Variants in ANGEL2 observed in about 807,000 individuals in gnomAD.
ANGEL2 encodes the protein RNA 2',3'-cyclic phosphatase ANGEL2.
In ANGEL2, 41 loss-of-function variants were observed where a neutral mutation model predicts 66.0. That is an observed-to-expected ratio of 0.62 (90% CI 0.48 to 0.81). ANGEL2 has a LOEUF of 0.81. Ranked by LOEUF, ANGEL2 falls within the 30% of genes least tolerant of loss-of-function variation. The pLI, the probability that ANGEL2 is intolerant of heterozygous loss-of-function variation, is 0.00. For missense variants in ANGEL2, 561 were observed against 641.6 expected (o/e 0.87, Z 1.36); for synonymous variants, 208 against 226.5 (o/e 0.92, Z 0.73).
chr1:213,013,413 G>A lies in ANGEL2; in HGVS notation c.65C>T (p.Pro22Leu). The A allele has an allele frequency of 6.2e-7, 1 of 1,611,046 alleles. No homozygotes were observed. Among genetic ancestry groups the A allele is most frequent in the Non-Finnish European group, 8.5e-7 (1 of 1,178,474 alleles). The change falls in exon 2 of 9, where the codon CCC becomes CTC. Residue 22 changes from proline to leucine, a missense_variant. Pro to Leu is a moderately conservative substitution (Grantham distance 98, BLOSUM62 -3). Transcript: ENST00000366962. ...GHCVVGRGRY[P>L]MFPHHSRSLG... ...ACTCCTCGAGTGATGGGGAAACATGGGGTATCTAAAAGAAATAAATACACT... is the reference window on the plus strand; with the variant it reads ...ACTCCTCGAGTGATGGGGAAACATGAGGTATCTAAAAGAAATAAATACACT...
chr1:213,015,561 T>C (rs2076623392), intron 1 of ANGEL2, 52 bp downstream of exon 1: 3 of 1,222,682 alleles, frequency 2.5e-6, no homozygotes, highest in South Asian at 3.0e-5. Flanking sequence ...CCGCCCGCTC[T>C]TTCAGGCCGC....
chr1:213,015,278 A>G (rs1048829021), intron 1 of ANGEL2: 2 of 1,168,760 alleles, frequency 1.7e-6, no homozygotes, highest in Non-Finnish European at 2.1e-6. Context: ...GGTGCTGCGG[A>G]GTGTGTGGAG....
At position 213,015,682 on chromosome 1, in the gene ANGEL2, C is replaced by T. The variant is rs900034931; in HGVS notation, c.-11G>A. 2 of 1,614,058 alleles carry T rather than the reference C, an allele frequency of 1.2e-6. No individual in the cohort carries two copies. The highest frequency in any genetic ancestry group is 1.3e-5 in the African/African-American group (1 of 74,934). On this transcript the variant is annotated 5_prime_UTR_variant, in exon 1 of 9. Coordinates refer to ENST00000366962, the MANE Select transcript of ANGEL2 (RefSeq NM_144567.5). The stretch of plus-strand genomic sequence containing the variant: ...GCGCCAGGCTTCCATCTTCGCCCTC[C>T]GCGTGCGTCCAGTTCCCAGGCCCCG...
intron 2 of ANGEL2, 135 bp from the exon 3 acceptor site, chr1:213,008,601 A>C: frequency 2.0e-6 from 2 of 1,000,338 alleles, no homozygotes; most frequent in South Asian, 3.4e-5. Context: ...GGAAGTGGCA[A>C]TATAGCACTG....
intron 5 of ANGEL2, among the ~76,000 whole-genome samples, chr1:213,002,779 G>A (rs548069399): frequency 3.3e-5 from 5 of 152,048 alleles, no homozygotes; most frequent in Admixed American, 2.0e-4. Context: ...AAATTAGCCC[G>A]GCGTGGAGGC....
At chr1:213,003,223 C>T (rs1292610649) in intron 5 of ANGEL2, among the ~76,000 whole-genome samples, 1 of 152,192 alleles carries the variant, frequency 6.6e-6, no homozygotes, top group Non-Finnish European at 1.5e-5. Context: ...CTATCCAGAC[C>T]ACTCAAGCTT....
rs1003776465 is a variant in ANGEL2 at position 212,994,914 on chromosome 1, G to T, written c.*127C>A. 1.9e-5 allele frequency: 15 copies of T among 771,812 alleles called. No homozygotes were observed. The highest frequency in any genetic ancestry group is 2.7e-5 in the Non-Finnish European group (15 of 552,790). The allele number at this position is 771,812 out of a possible 1,614,324, so 47.8% of individuals were successfully genotyped here. On this transcript the variant is annotated 3_prime_UTR_variant, in exon 9 of 9. Coordinates refer to ENST00000366962, the MANE Select transcript of ANGEL2 (RefSeq NM_144567.5). ...ATTTCTTCTGATATGGAGTTTCAAA[G>T]CATCTAACATAACCGCTTCAGAATC...
chr1:213,004,865 CAAAAAAA>C lies in ANGEL2; in HGVS notation c.1134+161_1134+167del, dbSNP rs60445711. On this transcript the variant is annotated intron_variant, in intron 5 of 8. Transcript: ENST00000366962. ...CCTGGGCGACAGAGTGAGACTGTCT[CAAAAAAA>C]AAAAAAAAAAAAAAAAAAAAGTCAT... 1.7e-4 allele frequency among the ~76,000 whole-genome samples: 6 copies of C among 35,270 alleles called. 1 individual carries two copies. The South Asian group carries it at 6.9e-3, about 40-fold the overall frequency. The allele number at this position is 35,270 out of a possible 152,430, so 23.1% of individuals were successfully genotyped here.
At chr1:213,013,534 A>T (rs2076562613) in intron 1 of ANGEL2, 116 bp from the exon 2 acceptor site, 1 of 963,930 alleles carries the variant, frequency 1.0e-6, no homozygotes, top group South Asian at 1.7e-5. Flanking sequence ...TCTGGCTGCT[A>T]AATCTGTGAA....
intron 3 of ANGEL2, among the ~76,000 whole-genome samples, chr1:213,007,948 C>G (rs140324329): frequency 1.3e-5 from 2 of 151,614 alleles, no homozygotes; most frequent in East Asian, 3.9e-4. Context: ...ACTGCAACAT[C>G]GACCTCCCAG....
At chr1:212,995,575 A>G (rs1186484082) in intron 8 of ANGEL2, among the ~76,000 whole-genome samples, 1 of 152,262 alleles carries the variant, frequency 6.6e-6, no homozygotes, top group Non-Finnish European at 1.5e-5. Flanking sequence ...AGGTGAATGG[A>G]GAATAAATTA....
intron 2 of ANGEL2, among the ~76,000 whole-genome samples, chr1:213,010,763 A>G (rs1300280197): frequency 1.3e-5 from 2 of 152,232 alleles, no homozygotes; most frequent in Non-Finnish European, 2.9e-5. Flanking sequence ...CCATATTAAA[A>G]TATGAAAATT....
intron 4 of ANGEL2, chr1:213,006,926 T>C: frequency 2.3e-6 from 1 of 431,682 alleles, no homozygotes; most frequent in Non-Finnish European, 4.1e-6. Context: ...GCCTTGTCTC[T>C]ATAAAAAAAA....
At chr1:213,014,818 A>G (rs2076596754) in intron 1 of ANGEL2, among the ~76,000 whole-genome samples, 1 of 152,254 alleles carries the variant, frequency 6.6e-6, no homozygotes, top group Admixed American at 6.5e-5. Flanking sequence ...CCAAATCCCC[A>G]TCGCTTATGT....
chr1:213,013,304 A>G lies in ANGEL2; in HGVS notation c.174T>C (p.Pro58=). The change falls in exon 2 of 9, where the codon CCT becomes CCC. Residue 58 remains proline, a synonymous_variant. Transcript: ENST00000366962. ...GGTAAGGAGCTCGAGAGTAATGTCC[A>G]GGCCACCTCATACAACTAGAAATAT... ...NRHISSCMRW[P]GHYSRAPYPY... 3 of 1,614,208 alleles carry G rather than the reference A, an allele frequency of 1.9e-6. No individual in the cohort carries two copies. The highest frequency in any genetic ancestry group is 3.3e-5 in the Admixed American group (2 of 60,036).
Position 212,993,992 on chromosome 1 carries a change from A to T in ANGEL2, c.*1049T>A, listed in dbSNP as rs928055723. ...CCAGAGATCTTAAAACTGAATTTTTAAAAAATGCTGCCATGTGCAGTGGCT... is the reference window on the plus strand; with the variant it reads ...CCAGAGATCTTAAAACTGAATTTTTTAAAAATGCTGCCATGTGCAGTGGCT... On this transcript the variant is annotated 3_prime_UTR_variant, in exon 9 of 9. Transcript: ENST00000366962. The T allele has an allele frequency of 5.3e-5, 8 of 152,226 alleles. No individual in the cohort carries two copies. The highest frequency in any genetic ancestry group is 1.2e-4 in the African/African-American group (5 of 41,458). 9.4% of individuals were successfully genotyped at this position (152,226 alleles called of 1,614,324 possible).
Position 213,013,479 on chromosome 1 carries a change from T to C in ANGEL2, c.60-61A>G, listed in dbSNP as rs948880342. ...TTTTGTTCAGCTATAGTTTACAAAA[T>C]CTAAGCCTGTTTCCTCAAGGGAAGG... is the stretch of plus-strand genomic sequence containing the variant. On this transcript the variant is annotated intron_variant, in intron 1 of 8. Transcript: ENST00000366962. 2.0e-5 allele frequency: 29 copies of C among 1,430,008 alleles called. No homozygotes were observed. The African/African-American group carries it at 4.0e-4, about 20-fold the overall frequency. The allele number at this position is 1,430,008 out of a possible 1,614,324, so 88.6% of individuals were successfully genotyped here. A position where few individuals can be genotyped will look rare whatever the true frequency, so the allele number is the denominator to read the frequency against.
chr1:212,995,965 C>A (rs1007551317), intron 8 of ANGEL2, among the ~76,000 whole-genome samples: 1 of 152,206 alleles, frequency 6.6e-6, no homozygotes, highest in Non-Finnish European at 1.5e-5. Context: ...TTCCAGTAAT[C>A]TTAAACTGCA....
Position 213,013,157 on chromosome 1 carries a change from A to C in ANGEL2, c.321T>G (p.His107Gln), listed in dbSNP as rs148194058. The change falls in exon 2 of 9, where the codon CAT becomes CAG. Residue 107 changes from histidine to glutamine, a missense_variant. Coordinates refer to ENST00000366962, the MANE Select transcript of ANGEL2 (RefSeq NM_144567.5). ...CAGCGTTCATGACGTAACTAGAGAG[A>C]TGAATCAAAGATGTCTGGCTCAGGT... ...PDNLSQTSLI[H>Q]LSSYVMNAEG... The C allele has an allele frequency of 1.3e-5, 21 of 1,614,038 alleles. 1 individual carries two copies. In the Admixed American group the frequency reaches 2.5e-4, roughly 19 times the overall value.
Sources: gnomAD v4.1 joint callset for allele counts (sites outside exome capture counted in the v4.1 genomes callset) on GRCh38, gnomAD v4.1.1 for gene constraint, MANE v1.5 for transcripts, NCBI Gene and HGNC (gene_info 2026-07-23, HGNC 2026-07-21) for gene names.